RCAN3: variants seen among roughly 807,000 people sequenced by gnomAD.
RCAN3 encodes the protein regulator of calcineurin 3.
RCAN3 carries 19 observed loss-of-function variants against 21.9 expected under a neutral mutation model. The observed-to-expected ratio is 0.87, with a 90% CI of 0.61 to 1.27. The LOEUF (loss-of-function observed/expected upper bound fraction) is 1.27, where lower values mean the gene tolerates loss of function less well. Among genes scored for constraint, RCAN3 ranks in the 50% most tolerant of loss-of-function variants. RCAN3 has a pLI of 0.00. For synonymous variants in RCAN3, 114 were observed against 112.3 expected, an observed-to-expected ratio of 1.01 and a Z score of -0.09; for missense variants, 240 against 300.1, an observed-to-expected ratio of 0.80 and a Z score of 1.48.
intron 2 of RCAN3, among the ~76,000 whole-genome samples, chr1:24,527,258 C>T (rs1649353377): frequency 6.6e-6 from 1 of 152,132 alleles, no homozygotes; most frequent in Admixed American, 6.6e-5. Context: ...CTGCCTCTGC[C>T]TCCCAAAGTG....
At chr1:24,522,488 AGTTCTC>A (rs1157768216) in intron 2 of RCAN3, among the ~76,000 whole-genome samples, 1 of 152,196 alleles carries the variant, frequency 6.6e-6, no homozygotes, top group Non-Finnish European at 1.5e-5. Flanking sequence ...TGAAGCCAAC[AGTTCTC>A]AGGCAGGTTC....
intron 2 of RCAN3, 56 bp from the exon 3 acceptor site, chr1:24,531,162 T>C: frequency 8.0e-7 from 1 of 1,252,550 alleles, no homozygotes; most frequent in East Asian, 2.4e-5. Flanking sequence ...CTGTTAAAGG[T>C]TTTTCTTTTT....
rs1165125640 is a variant in RCAN3 at position 24,538,662 on chromosome 1, C to T, written c.*3385C>T. The T allele has an allele frequency of 1.3e-5, 2 of 151,646 alleles. No individual in the cohort carries two copies. The highest frequency in any genetic ancestry group is 2.9e-5 in the Non-Finnish European group (2 of 68,018). 9.4% of individuals were successfully genotyped at this position (151,646 alleles called of 1,614,324 possible). On this transcript the variant is annotated 3_prime_UTR_variant, in exon 5 of 5. Coordinates refer to ENST00000374395, the MANE Select transcript of RCAN3 (RefSeq NM_013441.4). Reference sequence around the variant, plus strand: ...TCTCCTGACCTAGTGATCCGCCTGCCTTGGCCTCCCAAAGTGCTGGGATTA... The same window carrying T: ...TCTCCTGACCTAGTGATCCGCCTGCTTTGGCCTCCCAAAGTGCTGGGATTA...
intron 2 of RCAN3, 107 bp downstream of exon 2, chr1:24,514,674 ATGTC>A: frequency 3.5e-6 from 4 of 1,155,430 alleles, no homozygotes; most frequent in Non-Finnish European, 4.9e-6. Flanking sequence ...TAGAAAGTGT[ATGTC>A]CACTTTTAGG....
chr1:24,516,827 G>A (rs937444004), intron 2 of RCAN3, among the ~76,000 whole-genome samples: 8 of 152,128 alleles, frequency 5.3e-5, no homozygotes, highest in African/African-American at 1.7e-4. Context: ...GCAGGGAAGG[G>A]GGCTGCACTC....
At chr1:24,503,609 G>C in intron 1 of RCAN3, among the ~76,000 whole-genome samples, 1 of 152,338 alleles carries the variant, frequency 6.6e-6, no homozygotes, top group South Asian at 2.1e-4. Flanking sequence ...CTTGAAACTT[G>C]TCTGTCTGCT....
chr1:24,524,823 C>CTT (rs1408221197), intron 2 of RCAN3, among the ~76,000 whole-genome samples: 9 of 115,904 alleles, frequency 7.8e-5, no homozygotes, highest in Admixed American at 8.3e-5. Flanking sequence ...ATTTTGTTTT[C>CTT]TTTTGTTTTT....
At chr1:24,531,428 T>C (rs762063694) in intron 3 of RCAN3, 37 bp downstream of exon 3, 13 of 1,438,462 alleles carry the variant, frequency 9.0e-6, no homozygotes, top group East Asian at 2.4e-5. Flanking sequence ...TCTCTAAACT[T>C]GTTTTTCTCC....
rs374421496 is a variant in RCAN3, at chr1:24,506,029, A to G, written c.-60+2879A>G. On this transcript the variant is annotated intron_variant, in intron 1 of 4. Coordinates refer to ENST00000374395, the MANE Select transcript of RCAN3 (RefSeq NM_013441.4). ...CACTCATTTGATATTTCCATGAAGAAACAATTTGCCAGAAGCCAGCCGTAG... is the reference window on the plus strand; with the variant it reads ...CACTCATTTGATATTTCCATGAAGAGACAATTTGCCAGAAGCCAGCCGTAG... Among the ~76,000 whole-genome samples, 259 of 152,306 alleles carry G rather than the reference A, an allele frequency of 1.7e-3. 2 individuals carry two copies. The highest frequency in any genetic ancestry group is 5.9e-3 in the African/African-American group (246 of 41,546).
At chr1:24,514,165 C>T (rs1173456936) in intron 1 of RCAN3, 149 bp from the exon 2 acceptor site, 7 of 408,118 alleles carry the variant, frequency 1.7e-5, no homozygotes, top group East Asian at 3.6e-5. Context: ...AATTCACTTA[C>T]GAGGACTGTA....
chr1:24,538,739 A>G lies in RCAN3; in HGVS notation c.*3462A>G, dbSNP rs1181849076. The stretch of plus-strand genomic sequence containing the variant: ...CTTAAATAAAATATTGTAGTCATTA[A>G]TGGTGTGTTTGAATTGAAGAGATAC... On this transcript the variant is annotated 3_prime_UTR_variant, in exon 5 of 5. Coordinates refer to ENST00000374395, the MANE Select transcript of RCAN3 (RefSeq NM_013441.4). The G allele has an allele frequency of 1.3e-5, 2 of 152,020 alleles. No homozygotes were observed. Among genetic ancestry groups the G allele is most frequent in the Non-Finnish European group, 2.9e-5 (2 of 68,014 alleles). 9.4% of individuals were successfully genotyped at this position (152,020 alleles called of 1,614,324 possible).
rs557935833 is a variant in RCAN3, at chr1:24,537,290, A to G, written c.*2013A>G. Reference sequence around the variant, plus strand: ...TCTATTTTTTTTTTGAGAGCCTTGAATAAATTGAAGAAAACTTTAAACCAA... The same window carrying G: ...TCTATTTTTTTTTTGAGAGCCTTGAGTAAATTGAAGAAAACTTTAAACCAA... On this transcript the variant is annotated 3_prime_UTR_variant, in exon 5 of 5. Transcript: ENST00000374395. 1.3e-5 allele frequency: 2 copies of G among 152,192 alleles called. No individual in the cohort carries two copies. Among genetic ancestry groups the G allele is most frequent in the East Asian group, 1.9e-4 (1 of 5,188 alleles). 9.4% of individuals were successfully genotyped at this position (152,192 alleles called of 1,614,324 possible). A position where few individuals can be genotyped will look rare whatever the true frequency, so the allele number is the denominator to read the frequency against.
At chr1:24,511,051 C>T (rs140803827) in intron 1 of RCAN3, among the ~76,000 whole-genome samples, 103 of 152,270 alleles carry the variant, frequency 6.8e-4, no homozygotes, top group African/African-American at 2.2e-3. Flanking sequence ...TGGTGGCTCA[C>T]GCTTGTAATC....
In RCAN3 at chr1:24,533,180, G is replaced by C. The variant is rs1368430250; in HGVS notation, c.467G>C (p.Gly156Ala). 1.9e-6 allele frequency: 3 copies of C among 1,607,054 alleles called. No individual in the cohort carries two copies. The highest frequency in any genetic ancestry group is 3.4e-5 in the Admixed American group (2 of 58,504). The change falls in exon 4 of 5, where the codon GGG becomes GCG. Residue 156 changes from glycine (G) to alanine (A), a missense_variant. Physicochemically the swap from Gly to Ala is moderately conservative, Grantham distance 60. Coordinates refer to ENST00000374395, the MANE Select transcript of RCAN3 (RefSeq NM_013441.4). ...TCCCCTCCAGCCTCTCCCCCGGTGG[G>C]GTGGAAGCAGAGCGAAGATGCGATG... ...LISPPASPPVGWKQSEDAMPV... is the reference protein window; with the variant it reads ...LISPPASPPVAWKQSEDAMPV...
chr1:24,534,519 A>G (rs1307548198), intron 4 of RCAN3, among the ~76,000 whole-genome samples: 5 of 152,142 alleles, frequency 3.3e-5, no homozygotes, highest in African/African-American at 1.2e-4. Context: ...AGGCAGGAGA[A>G]TGGCGTGAAC....
intron 1 of RCAN3, among the ~76,000 whole-genome samples, chr1:24,509,193 A>G (rs1364961059): frequency 6.6e-6 from 1 of 152,196 alleles, no homozygotes; most frequent in Non-Finnish European, 1.5e-5. Context: ...ATTAAGTCGT[A>G]ATCTTTTTGT....
At chr1:24,521,802 C>G (rs1324436000) in intron 2 of RCAN3, among the ~76,000 whole-genome samples, 1 of 151,754 alleles carries the variant, frequency 6.6e-6, no homozygotes, top group African/African-American at 2.4e-5. Flanking sequence ...GAGCTGAGAT[C>G]GTGCCATTGT....
At chr1:24,513,623 C>T (rs573577345) in intron 1 of RCAN3, among the ~76,000 whole-genome samples, 7 of 152,196 alleles carry the variant, frequency 4.6e-5, no homozygotes, top group Non-Finnish European at 1.0e-4. Flanking sequence ...CGCCACTGCA[C>T]TCCAGCCTGG....
chr1:24,524,107 G>A (rs113137114), intron 2 of RCAN3, among the ~76,000 whole-genome samples: 161 of 152,220 alleles, frequency 1.1e-3, no homozygotes, highest in Non-Finnish European at 2.0e-3. Context: ...GTGCACGCCT[G>A]TAATCCCAGC....
Sources: allele counts gnomAD v4.1 joint callset (sites outside exome capture counted in the v4.1 genomes callset), GRCh38; gene constraint gnomAD v4.1.1; transcripts MANE v1.5; gene names NCBI Gene and HGNC (gene_info 2026-07-23, HGNC 2026-07-21).